DYM: variants seen among roughly 807,000 people sequenced by gnomAD.
DYM encodes the protein dymeclin, also known as dyggve-Melchior-Clausen syndrome protein.
A neutral mutation model predicts 93.1 loss-of-function variants in DYM; 78 were observed. The observed-to-expected ratio is 0.84, with a 90% CI of 0.70 to 1.01. DYM has a LOEUF of 1.01. Ranked by LOEUF, DYM falls within the 50% of genes least tolerant of loss-of-function variation. The probability of loss-of-function intolerance (pLI) is 0.00; values close to 1 mark genes in which losing one functional copy is unlikely to be tolerated. For synonymous variants in DYM, 321 were observed against 319.7 expected (o/e 1.00, Z -0.04); for missense variants, 789 against 845.0 (o/e 0.93, Z 0.82).
intron 15 of DYM, among the ~76,000 whole-genome samples, chr18:49,158,945 C>T (rs2086760962): frequency 6.6e-6 from 1 of 151,986 alleles, no homozygotes; most frequent in Non-Finnish European, 1.5e-5. Flanking sequence ...TAAATGGTTA[C>T]CCCATTCATC....
At chr18:49,308,387 T>C (rs1451586834) in intron 8 of DYM, among the ~76,000 whole-genome samples, 1 of 151,968 alleles carries the variant, frequency 6.6e-6, no homozygotes, top group Non-Finnish European at 1.5e-5. Context: ...TCCTGGACCA[T>C]GGGTAACCTT....
intron 2 of DYM, among the ~76,000 whole-genome samples, chr18:49,398,162 C>T (rs1211126770): frequency 1.3e-5 from 2 of 151,984 alleles, no homozygotes; most frequent in Non-Finnish European, 2.9e-5. Flanking sequence ...CTTTTTTTAA[C>T]AAAATAACCT....
intron 6 of DYM, among the ~76,000 whole-genome samples, chr18:49,357,972 G>C (rs1267013477): frequency 1.3e-5 from 2 of 152,202 alleles, no homozygotes; most frequent in East Asian, 3.9e-4. Context: ...AACACAGCAA[G>C]ACCTCATCTC....
intron 8 of DYM, among the ~76,000 whole-genome samples, chr18:49,309,113 C>T (rs1214286812): frequency 1.3e-5 from 2 of 152,168 alleles, no homozygotes; most frequent in Admixed American, 1.3e-4. Context: ...TAAAAAAATT[C>T]AGATTCAAAT....
intron 1 of DYM, among the ~76,000 whole-genome samples, chr18:49,452,555 T>C (rs1226563862): frequency 6.6e-6 from 1 of 152,170 alleles, no homozygotes; most frequent in African/African-American, 2.4e-5. Context: ...GAGTGCTGAT[T>C]GGTGCATTTA....
At chr18:49,374,213 T>C (rs1007433217) in intron 5 of DYM, among the ~76,000 whole-genome samples, 1 of 152,188 alleles carries the variant, frequency 6.6e-6, no homozygotes, top group Non-Finnish European at 1.5e-5. Flanking sequence ...AAATAAAGTA[T>C]ATAACATTCA....
At chr18:49,130,943 T>G (rs1354597243) in intron 15 of DYM, among the ~76,000 whole-genome samples, 1 of 152,240 alleles carries the variant, frequency 6.6e-6, no homozygotes, top group Non-Finnish European at 1.5e-5. Context: ...ATGTTAGCTG[T>G]GTGCCCTTGG....
At chr18:49,122,535 G>T (rs1341857811) in intron 15 of DYM, among the ~76,000 whole-genome samples, 4 of 152,158 alleles carry the variant, frequency 2.6e-5, no homozygotes, top group Non-Finnish European at 5.9e-5. Flanking sequence ...GCTAATGCTG[G>T]GGAGCAGCTG....
At chr18:49,280,190 A>C (rs981944052) in intron 10 of DYM, among the ~76,000 whole-genome samples, 1 of 152,242 alleles carries the variant, frequency 6.6e-6, no homozygotes, top group Admixed American at 6.5e-5. Context: ...ATGTTTGCAC[A>C]TTAGTCATAA....
chr18:49,062,482 T>C (rs964309878), intron 17 of DYM, among the ~76,000 whole-genome samples: 12 of 152,164 alleles, frequency 7.9e-5, no homozygotes, highest in African/African-American at 1.9e-4. Flanking sequence ...CTGCCATAAA[T>C]GTGAAGCCAG....
intron 17 of DYM, among the ~76,000 whole-genome samples, chr18:49,056,433 G>T (rs1257177556): frequency 1.3e-5 from 2 of 152,254 alleles, no homozygotes; most frequent in African/African-American, 4.8e-5. Context: ...AATCTTCACA[G>T]AGGGCTAATG....
intron 8 of DYM, among the ~76,000 whole-genome samples, chr18:49,289,727 G>GTGTATATATA (rs1555678602): frequency 1.1e-4 from 9 of 85,076 alleles, no homozygotes; most frequent in African/African-American, 3.0e-4. Context: ...ATATATATGT[G>GTGTATATATA]TATATATATA....
intron 1 of DYM, among the ~76,000 whole-genome samples, chr18:49,443,362 C>G (rs1055940881): frequency 1.3e-5 from 2 of 152,106 alleles, no homozygotes; most frequent in Non-Finnish European, 2.9e-5. Flanking sequence ...TCCCTTTATA[C>G]TCTCAGTGCA....
chr18:49,253,947 A>T (rs2094339467), intron 13 of DYM, among the ~76,000 whole-genome samples: 1 of 152,060 alleles, frequency 6.6e-6, no homozygotes, highest in Admixed American at 6.6e-5. Context: ...TGTTTCTTTC[A>T]GGCCTCTCAC....
At chr18:49,069,470 A>T (rs1413042892) in intron 17 of DYM, among the ~76,000 whole-genome samples, 1 of 152,176 alleles carries the variant, frequency 6.6e-6, no homozygotes, top group African/African-American at 2.4e-5. Context: ...CAGGGTCATG[A>T]CTGCCACAGA....
intron 3 of DYM, among the ~76,000 whole-genome samples, chr18:49,382,416 A>T (rs147374240): frequency 6.6e-6 from 1 of 152,350 alleles, no homozygotes; most frequent in African/African-American, 2.4e-5. Flanking sequence ...AAAATTAAAT[A>T]CACTCAATGA....
chr18:49,232,886 G>C (rs1403382485), intron 13 of DYM, among the ~76,000 whole-genome samples: 1 of 151,846 alleles, frequency 6.6e-6, no homozygotes, highest in Non-Finnish European at 1.5e-5. Flanking sequence ...CTGGGATTAC[G>C]GGAGTGACCA....
intron 4 of DYM, 65 bp downstream of exon 4, chr18:49,379,600 A>G: frequency 7.6e-7 from 1 of 1,319,144 alleles, no homozygotes; most frequent in East Asian, 2.3e-5. Flanking sequence ...ATTTCCATCA[A>G]TAAATGAAAA....
chr18:49,217,023 G>A (rs1267038441), intron 13 of DYM, among the ~76,000 whole-genome samples: 1 of 152,168 alleles, frequency 6.6e-6, no homozygotes, highest in Non-Finnish European at 1.5e-5. Flanking sequence ...TTAGACGAAT[G>A]TATAACTAGA....
Sources: gnomAD v4.1 joint callset for allele counts (sites outside exome capture counted in the v4.1 genomes callset) on GRCh38, gnomAD v4.1.1 for gene constraint, MANE v1.5 for transcripts, NCBI Gene and HGNC (gene_info 2026-07-23, HGNC 2026-07-21) for gene names.